Variants in MTMR1 observed in about 807,000 individuals in gnomAD.
MTMR1 encodes myotubularin related protein 1.
In MTMR1, 17 loss-of-function variants were observed where a neutral mutation model predicts 51.6. The ratio of observed to expected loss-of-function variants is 0.33; its 90% CI spans 0.23 to 0.49. The LOEUF (loss-of-function observed/expected upper bound fraction) is 0.49, where lower values mean the gene tolerates loss of function less well. MTMR1 is among the 20% of genes least tolerant of loss of function. The pLI is 0.99. For synonymous variants in MTMR1, 201 were observed against 205.6 expected (o/e 0.98, Z 0.19); for missense variants, 386 against 526.9 (o/e 0.73, Z 2.62).
At chrX:150,703,732 C>T (rs955871548) in intron 2 of MTMR1, among the ~76,000 whole-genome samples, 6 of 112,073 alleles carry the variant, frequency 5.4e-5, no homozygotes, top group African/African-American at 1.9e-4. Context: ...TCAAAATCTA[C>T]TTCTGTAATC....
intron 3 of MTMR1, among the ~76,000 whole-genome samples, chrX:150,715,343 C>T (rs2041470893): frequency 8.9e-6 from 1 of 112,392 alleles, no homozygotes. Flanking sequence ...TGGCAGACTT[C>T]GGCTAGACCT....
At chrX:150,693,327 T>A (rs1315395626), upstream of MTMR1, 783 of 415,519 alleles carry the variant, frequency 1.9e-3, no homozygotes, top group Middle Eastern at 2.9e-3. Flanking sequence ...CGCGCCGCCC[T>A]CCCCGCCCCC....
chrX:150,749,810 T>G (rs782195275), intron 13 of MTMR1, among the ~76,000 whole-genome samples: 1 of 112,027 alleles, frequency 8.9e-6, no homozygotes, highest in Non-Finnish European at 1.9e-5. Flanking sequence ...TTTTAAAATG[T>G]ATTGCCAGGT....
chrX:150,755,236 AG>A (rs1251308372), intron 14 of MTMR1, among the ~76,000 whole-genome samples: 6 of 111,024 alleles, frequency 5.4e-5, no homozygotes, highest in Non-Finnish European at 1.1e-4. Context: ...GTAGAGACAA[AG>A]TCTCACTGTG....
In MTMR1 at chrX:150,737,325, G is replaced by A; in HGVS notation, c.1350G>A (p.Trp450Ter). The A allele has an allele frequency of 5.0e-6, 6 of 1,211,207 alleles. No individual in the cohort carries two copies. The highest frequency in any genetic ancestry group is 6.7e-6 in the Non-Finnish European group (6 of 895,138). The change falls in exon 12 of 16, where the codon TGG becomes TGA. Residue 450 changes from tryptophan to a stop codon, truncating the protein, a stop_gained. Transcript: ENST00000445323. LOFTEE classifies it high-confidence loss of function. ...TGGTGGTGCATTGCAGCGACGGTTG[G>A]GACCGAACAGCCCAGCTCACATCTC... The part of the protein sequence containing the change: ...TSVVVHCSDG[W>*]DRTAQLTSLA...
intron 12 of MTMR1, among the ~76,000 whole-genome samples, chrX:150,738,377 A>G (rs2042336380): frequency 8.9e-6 from 1 of 112,411 alleles, no homozygotes; most frequent in African/African-American, 3.2e-5. Flanking sequence ...TTATCTGCTC[A>G]TCTGCTGATG....
Position 150,718,607 on chromosome X carries a change from T to TCCAGGC in MTMR1, c.277-18_277-17insCCAGGC. ...TCCTTTTTTTTTTTTTTTTTTTTTT[T>TCCAGGC]TTTTTTTTTTTTGCCAGGCTCTAAG... On this transcript the variant is annotated splice_polypyrimidine_tract_variant and intron_variant, in intron 3 of 15. Transcript: ENST00000445323. 2.2e-6 allele frequency: 2 copies of TCCAGGC among 916,015 alleles called. No homozygotes were observed. Among genetic ancestry groups the TCCAGGC allele is most frequent in the Non-Finnish European group, 2.8e-6 (2 of 719,628 alleles). The allele number at this position is 916,015 out of a possible 1,213,427, so 75.5% of individuals were successfully genotyped here.
intron 14 of MTMR1, among the ~76,000 whole-genome samples, chrX:150,751,781 G>A (rs2042737999): frequency 1.8e-5 from 2 of 110,077 alleles, no homozygotes; most frequent in Admixed American, 9.7e-5. Flanking sequence ...AGCACCACTG[G>A]CCATCCAGAT....
chrX:150,713,577 T>C (rs1800145690), intron 3 of MTMR1, among the ~76,000 whole-genome samples: 2 of 111,880 alleles, frequency 1.8e-5, no homozygotes, highest in South Asian at 7.4e-4. Context: ...CAAAAATATA[T>C]ATAGGCTAAA....
intron 13 of MTMR1, among the ~76,000 whole-genome samples, chrX:150,749,987 C>T (rs1404479538): frequency 4.5e-5 from 5 of 110,575 alleles, no homozygotes; most frequent in Non-Finnish European, 9.5e-5. Context: ...CGTGGTGGTG[C>T]GCACCTGTAA....
rs578094553 is a variant in MTMR1, at chrX:150,723,505, C to G, written c.353-3710C>G. Among the ~76,000 whole-genome samples the G allele has an allele frequency of 3.3e-3, 369 of 110,378 alleles. 1 individual carries two copies. Among genetic ancestry groups the G allele is most frequent in the Middle Eastern group, 9.3e-3 (2 of 216 alleles). On this transcript the variant is annotated intron_variant, in intron 4 of 15. Coordinates refer to ENST00000445323, the MANE Select transcript of MTMR1 (RefSeq NM_001306144.3). ...AAGTGTTCCTATTTCTCCACATCCT[C>G]TCCAGCACCTGTTGTTTCCTGACTT...
intron 3 of MTMR1, among the ~76,000 whole-genome samples, chrX:150,715,001 C>T (rs1308793338): frequency 5.4e-5 from 6 of 112,085 alleles, no homozygotes; most frequent in Non-Finnish European, 9.4e-5. Context: ...TGAGTGCTTA[C>T]TCTGCTCAGT....
chrX:150,734,912 G>C (rs1392803225), intron 10 of MTMR1, among the ~76,000 whole-genome samples: 7 of 112,247 alleles, frequency 6.2e-5, no homozygotes, highest in African/African-American at 2.3e-4. Flanking sequence ...CTCAGAATGT[G>C]ACCTTATTTA....
intron 2 of MTMR1, 43 bp from the exon 3 acceptor site, chrX:150,712,299 G>A (rs930994247): frequency 1.4e-5 from 16 of 1,132,142 alleles, no homozygotes; most frequent in Non-Finnish European, 1.9e-5. Context: ...CAGGTCAATA[G>A]TAACATGTCC....
chrX:150,736,833 G>A, intron 11 of MTMR1, 53 bp downstream of exon 11: 1 of 1,087,870 alleles, frequency 9.2e-7, no homozygotes, highest in Non-Finnish European at 1.2e-6. Flanking sequence ...CTTTGTGCCT[G>A]TGCCATAAAT....
At position 150,727,665 on chromosome X, in the gene MTMR1, T is replaced by C; in HGVS notation, c.448-19T>C. On this transcript the variant is annotated intron_variant, in intron 5 of 15. Transcript: ENST00000445323. ...GTTGACTGACACTAATAGGCATTGA[T>C]CTTAATTTTTGAACCTAGGACCCGC... The C allele has an allele frequency of 8.8e-7, 1 of 1,142,781 alleles. No individual in the cohort carries two copies. 94.2% of individuals were successfully genotyped at this position (1,142,781 alleles called of 1,213,427 possible).
At chrX:150,713,035 G>A (rs2041368132) in intron 3 of MTMR1, 1 of 720,729 alleles carries the variant, frequency 1.4e-6, no homozygotes, top group African/African-American at 2.3e-5. Flanking sequence ...AAACAATGTG[G>A]ATTTTGATAG....
chrX:150,757,417 C>T (rs947479640), intron 15 of MTMR1, among the ~76,000 whole-genome samples: 4 of 112,913 alleles, frequency 3.5e-5, no homozygotes, highest in African/African-American at 1.3e-4. Flanking sequence ...CACAAAGCTT[C>T]CACTGCAAAT....
At chrX:150,735,954 G>A (rs1184702432) in intron 10 of MTMR1, 1 of 117,135 alleles carries the variant, frequency 8.5e-6, no homozygotes, top group African/African-American at 3.2e-5. Context: ...TCCACCCACG[G>A]GTCCTTTCCT....
Sources: allele counts gnomAD v4.1 joint callset (sites outside exome capture counted in the v4.1 genomes callset), GRCh38; gene constraint gnomAD v4.1.1; transcripts MANE v1.5; gene names NCBI Gene and HGNC (gene_info 2026-07-23, HGNC 2026-07-21).